The following ZGPAT variants were observed in gnomAD, a reference collection of about 807,000 sequenced individuals.
ZGPAT encodes zinc finger CCCH-type with G patch domain-containing protein.
In ZGPAT, 39 loss-of-function variants were observed where a neutral mutation model predicts 47.9. That is an observed-to-expected ratio of 0.81 (90% CI 0.63 to 1.06). The LOEUF is 1.06. Ranked by LOEUF, ZGPAT falls within the 50% of genes least tolerant of loss-of-function variation. The pLI, the probability that ZGPAT is intolerant of heterozygous loss-of-function variation, is 0.00. For synonymous variants in ZGPAT, 348 were observed against 292.9 expected (o/e 1.19, Z -1.92); for missense variants, 717 against 681.4 (o/e 1.05, Z -0.58).
At chr20:63,712,552 A>T (rs2145640570) in intron 2 of ZGPAT, among the ~76,000 whole-genome samples, 1 of 152,280 alleles carries the variant, frequency 6.6e-6, no homozygotes, top group Non-Finnish European at 1.5e-5. Context: ...TTTGATATGG[A>T]TTGCATAGAA....
intron 2 of ZGPAT, among the ~76,000 whole-genome samples, chr20:63,718,841 C>T (rs1309881900): frequency 6.6e-6 from 1 of 151,930 alleles, no homozygotes; most frequent in Non-Finnish European, 1.5e-5. Flanking sequence ...CCGAGGTGGG[C>T]AGATCACGAG....
chr20:63,727,050 G>A (rs938657432), intron 2 of ZGPAT, among the ~76,000 whole-genome samples: 9 of 152,008 alleles, frequency 5.9e-5, no homozygotes, highest in Non-Finnish European at 5.9e-5. Flanking sequence ...TCTTGGTGGT[G>A]TACATTCTAT....
chr20:63,716,270 T>G (rs2091727636), intron 2 of ZGPAT, among the ~76,000 whole-genome samples: 1 of 152,200 alleles, frequency 6.6e-6, no homozygotes, highest in African/African-American at 2.4e-5. Flanking sequence ...CCTCAGGTGA[T>G]CCACCCGCCT....
chr20:63,733,959 G>A, intron 4 of ZGPAT: 1 of 602,904 alleles, frequency 1.7e-6, no homozygotes. Context: ...CTCATTGATG[G>A]GAGGCCATGG....
At chr20:63,724,104 A>C (rs894451234) in intron 2 of ZGPAT, among the ~76,000 whole-genome samples, 4 of 151,766 alleles carry the variant, frequency 2.6e-5, no homozygotes, top group South Asian at 2.1e-4. Context: ...GGTGGCTTTT[A>C]TCTCTAATCC....
chr20:63,709,483 A>G (rs1392432135), intron 2 of ZGPAT, among the ~76,000 whole-genome samples: 1 of 152,084 alleles, frequency 6.6e-6, no homozygotes, highest in African/African-American at 2.4e-5. Context: ...TTAAAAACAC[A>G]AAAATGAACC....
intron 3 of ZGPAT, 117 bp from the exon 4 acceptor site, chr20:63,733,470 G>C: frequency 6.3e-7 from 1 of 1,598,868 alleles, no homozygotes; most frequent in Non-Finnish European, 8.5e-7. Context: ...CTCTGGGCCC[G>C]AAATGAGCAC....
intron 2 of ZGPAT, among the ~76,000 whole-genome samples, chr20:63,732,998 GTA>G (rs1185322664): frequency 6.6e-6 from 1 of 151,658 alleles, no homozygotes; most frequent in African/African-American, 2.4e-5. Flanking sequence ...ATGTGCGTGT[GTA>G]TATGTGCATG....
chr20:63,732,922 C>A (rs989235160), intron 2 of ZGPAT, among the ~76,000 whole-genome samples: 1 of 151,256 alleles, frequency 6.6e-6, no homozygotes, highest in Middle Eastern at 3.4e-3. Context: ...GTGTATATGC[C>A]TGCATGTATA....
intron 5 of ZGPAT, 51 bp downstream of exon 5, chr20:63,734,875 AGGTCCAGCAGCCATCAGGTTCCCGG>A (rs1162821612): frequency 9.2e-6 from 14 of 1,514,726 alleles, no homozygotes; most frequent in Non-Finnish European, 8.8e-7. Flanking sequence ...AGCATAGCCC[AGGTCCAGCAGCCATCAGGTTCCCGG>A]GGTCCCGCAG....
rs1295454060 is a variant in ZGPAT at position 63,708,936 on chromosome 20, A to T, written c.356A>T (p.Glu119Val). 13 of 1,612,780 alleles carry T rather than the reference A, an allele frequency of 8.1e-6. No individual in the cohort carries two copies. The highest frequency in any genetic ancestry group is 1.1e-5 in the Non-Finnish European group (13 of 1,179,894). ...CCAGAATCTGCGGCAGGTGGGCAGG[A>T]GGAGGAAGAGGGAGAGGACGAGGAA... ...AGPESAAGGQ[E>V]EEEGEDEEEL... The change falls in exon 2 of 7, where the codon GAG becomes GTG. Residue 119 changes from glutamate (E) to valine (V), a missense_variant. Physicochemically the swap from Glu to Val is moderately radical, Grantham distance 121. Coordinates refer to ENST00000355969, the MANE Select transcript of ZGPAT (RefSeq NM_181485.3).
At chr20:63,724,376 A>AG (rs915997557) in intron 2 of ZGPAT, among the ~76,000 whole-genome samples, 8 of 151,220 alleles carry the variant, frequency 5.3e-5, no homozygotes, top group African/African-American at 9.7e-5. Flanking sequence ...AAAAAAAAAA[A>AG]AAAAGAAAAG....
intron 2 of ZGPAT, among the ~76,000 whole-genome samples, chr20:63,716,515 C>CTT (rs1187774374): frequency 1.6e-4 from 24 of 149,268 alleles, no homozygotes; most frequent in African/African-American, 4.9e-4. Flanking sequence ...CTCTTTTCTT[C>CTT]CTCTTTTTTT....
rs767542214 is a variant in ZGPAT, at chr20:63,733,257, G to A, written c.623G>A (p.Arg208His). ...CAGGTGGTCTCTCTGGATGAGCTGC[G>A]CCCCTTCCAGGACCCAGACCTGAGC... ...HGQVVSLDEL[R>H]PFQDPDLSSL... Residue 208 changes from arginine to histidine, a missense_variant, in exon 3 of 7, where the codon CGC (arginine) becomes CAC (histidine). Arg to His is a conservative substitution (Grantham distance 29). Coordinates refer to ENST00000355969, the MANE Select transcript of ZGPAT (RefSeq NM_181485.3). 4.3e-6 allele frequency: 7 copies of A among 1,613,612 alleles called. No homozygotes were observed. Among genetic ancestry groups the A allele is most frequent in the South Asian group, 2.2e-5 (2 of 91,082 alleles).
intron 2 of ZGPAT, among the ~76,000 whole-genome samples, chr20:63,731,061 G>C (rs1381295125): frequency 6.6e-6 from 1 of 151,490 alleles, no homozygotes; most frequent in Non-Finnish European, 1.5e-5. Flanking sequence ...TTCATAAGCA[G>C]GTTCTCCTAG....
At chr20:63,724,984 C>CT (rs35291396) in intron 2 of ZGPAT, among the ~76,000 whole-genome samples, 26,861 of 125,884 alleles carry the variant, frequency 0.21, 3,468 homozygotes, top group East Asian at 0.61. Flanking sequence ...TTTAGAATTT[C>CT]TTTTTTTTTT....
At chr20:63,725,086 G>A (rs565886802) in intron 2 of ZGPAT, among the ~76,000 whole-genome samples, 4 of 150,086 alleles carry the variant, frequency 2.7e-5, no homozygotes, top group East Asian at 2.0e-4. Context: ...CCGGGTTCAC[G>A]CCATTCTCCT....
intron 2 of ZGPAT, among the ~76,000 whole-genome samples, chr20:63,730,995 G>A (rs1004033883): frequency 1.5e-5 from 2 of 129,268 alleles, no homozygotes; most frequent in Non-Finnish European, 3.3e-5. Flanking sequence ...TGTGTGTCTC[G>A]GTTTTGGTTT....
At chr20:63,722,602 G>A (rs868741932) in intron 2 of ZGPAT, among the ~76,000 whole-genome samples, 27 of 151,946 alleles carry the variant, frequency 1.8e-4, no homozygotes, top group African/African-American at 6.0e-4. Context: ...TTACCACAAT[G>A]TACTTCAGAT....
Sources: gnomAD v4.1 joint callset for allele counts (sites outside exome capture counted in the v4.1 genomes callset) on GRCh38, gnomAD v4.1.1 for gene constraint, MANE v1.5 for transcripts, NCBI Gene and HGNC (gene_info 2026-07-23, HGNC 2026-07-21) for gene names.